The following AMN1 variants were observed in gnomAD, a reference collection of about 807,000 sequenced individuals.
AMN1 encodes the protein protein AMN1 homolog.
Under a neutral mutation model 33.0 loss-of-function variants are expected in AMN1, and 20 were observed. The observed-to-expected ratio is 0.61, with a 90% CI of 0.43 to 0.88. The LOEUF (loss-of-function observed/expected upper bound fraction) is 0.88, where lower values mean the gene tolerates loss of function less well. Ranked by LOEUF, AMN1 falls within the 40% of genes least tolerant of loss-of-function variation. The pLI, the probability that AMN1 is intolerant of heterozygous loss-of-function variation, is 0.00. For synonymous variants in AMN1, 114 were observed against 111.9 expected, an observed-to-expected ratio of 1.02 and a Z score of -0.12; for missense variants, 246 against 307.4, an observed-to-expected ratio of 0.80 and a Z score of 1.49.
At chr12:31,716,213 T>C (rs563174620) in intron 1 of AMN1, among the ~76,000 whole-genome samples, 1 of 152,362 alleles carries the variant, frequency 6.6e-6, no homozygotes, top group African/African-American at 2.4e-5. Flanking sequence ...TTCATGTCCA[T>C]TTTCACTAAC....
chr12:31,696,939 T>C (rs1034518798), intron 5 of AMN1, among the ~76,000 whole-genome samples: 1 of 151,978 alleles, frequency 6.6e-6, no homozygotes, highest in African/African-American at 2.4e-5. Context: ...AAAAAAACTT[T>C]TTTAAATGAT....
intron 1 of AMN1, among the ~76,000 whole-genome samples, chr12:31,710,339 TTAA>T (rs1565778667): frequency 2.0e-5 from 3 of 152,222 alleles, no homozygotes; most frequent in Admixed American, 2.0e-4. Context: ...ACAAATCTTA[TTAA>T]TTTCTGTCTA....
At chr12:31,674,013 C>CT (rs58813002) in intron 6 of AMN1, among the ~76,000 whole-genome samples, 1,596 of 144,134 alleles carry the variant, frequency 0.011, 23 homozygotes, top group African/African-American at 0.032. Flanking sequence ...AAAGTCTTAT[C>CT]TTTTTTTTTT....
chr12:31,711,349 T>G (rs1939458114), intron 1 of AMN1, among the ~76,000 whole-genome samples: 2 of 152,230 alleles, frequency 1.3e-5, no homozygotes, highest in Admixed American at 1.3e-4. Flanking sequence ...ATTTCTAATT[T>G]ATAAACATGG....
At chr12:31,716,630 G>T (rs1244546549) in intron 1 of AMN1, among the ~76,000 whole-genome samples, 1 of 152,084 alleles carries the variant, frequency 6.6e-6, no homozygotes, top group East Asian at 1.9e-4. Context: ...TGTCTGGTTG[G>T]ATATCCTCTT....
intron 2 of AMN1, among the ~76,000 whole-genome samples, chr12:31,708,207 G>A (rs1006638859): frequency 6.6e-6 from 1 of 152,178 alleles, no homozygotes; most frequent in East Asian, 1.9e-4. Context: ...GTGCAAGTAG[G>A]AGAGATATTG....
At chr12:31,722,569 T>C (rs1939917052) in intron 1 of AMN1, among the ~76,000 whole-genome samples, 1 of 152,134 alleles carries the variant, frequency 6.6e-6, no homozygotes, top group Non-Finnish European at 1.5e-5. Flanking sequence ...CCTAGCCACC[T>C]CCTATATAAT....
rs370433531 is a variant in AMN1 at position 31,697,427 on chromosome 12, G to C, written c.535-10C>G. 21 of 1,611,296 alleles carry C rather than the reference G, an allele frequency of 1.3e-5. 1 individual carries two copies. In the African/African-American group the frequency reaches 2.0e-4, roughly 15 times the overall value. ...CACCACTGTCAGATACCTAAGCAAA[G>C]GGAAAAAGAAACACAGTCCATGAAT... is the stretch of plus-strand genomic sequence containing the variant. On this transcript the variant is annotated splice_polypyrimidine_tract_variant and intron_variant, in intron 4 of 6. Transcript: ENST00000281471.
Position 31,715,780 on chromosome 12 carries a change from A to C in AMN1, c.39-6355T>G, listed in dbSNP as rs1245073343. 4 of 156,398 alleles carry C rather than the reference A, an allele frequency of 2.6e-5. No individual in the cohort carries two copies. In the East Asian group the frequency reaches 7.3e-4, roughly 29 times the overall value. The allele number at this position is 156,398 out of a possible 1,614,324, so 9.7% of individuals were successfully genotyped here. A position where few individuals can be genotyped will look rare whatever the true frequency, so the allele number is the denominator to read the frequency against. On this transcript the variant is annotated intron_variant, in intron 1 of 6. Coordinates refer to ENST00000281471, the MANE Select transcript of AMN1 (RefSeq NM_001113402.2). ...TTTCACCTGGATATCAGAAGTAGCC[A>C]TGATGAATGAAAGACAAGAGACTGG...
At chr12:31,703,641 A>G (rs1939101194) in intron 2 of AMN1, among the ~76,000 whole-genome samples, 1 of 152,184 alleles carries the variant, frequency 6.6e-6, no homozygotes, top group Non-Finnish European at 1.5e-5. Flanking sequence ...ATGGCTGTAT[A>G]TATTCATTTT....
At chr12:31,722,046 G>A (rs557685188) in intron 1 of AMN1, among the ~76,000 whole-genome samples, 1 of 152,024 alleles carries the variant, frequency 6.6e-6, no homozygotes, top group East Asian at 1.9e-4. Context: ...TCAAAAGTCA[G>A]CCTGTTTTGT....
intron 1 of AMN1, among the ~76,000 whole-genome samples, chr12:31,718,951 T>C (rs1391537112): frequency 6.6e-6 from 1 of 152,266 alleles, no homozygotes; most frequent in African/African-American, 2.4e-5. Context: ...CTCAGACTGC[T>C]GCGCTAGCAG....
At chr12:31,699,417 A>AAG (rs1938887664) in intron 3 of AMN1, among the ~76,000 whole-genome samples, 1 of 148,840 alleles carries the variant, frequency 6.7e-6, no homozygotes, top group Admixed American at 6.7e-5. Context: ...AAAAAAAAAA[A>AAG]AAAAGAAAGA....
chr12:31,704,692 C>T (rs888616499), intron 2 of AMN1, among the ~76,000 whole-genome samples: 2 of 152,098 alleles, frequency 1.3e-5, no homozygotes, highest in African/African-American at 4.8e-5. Flanking sequence ...GATGTTGTAT[C>T]TGGCTTTTTG....
chr12:31,702,097 A>G (rs920505604), intron 2 of AMN1, 90 bp from the exon 3 acceptor site: 2 of 1,155,440 alleles, frequency 1.7e-6, no homozygotes, highest in Non-Finnish European at 2.4e-6. Context: ...GTCATAACAG[A>G]CAAGTGGCTG....
chr12:31,702,865 T>G (rs1388598367), intron 2 of AMN1, among the ~76,000 whole-genome samples: 1 of 152,168 alleles, frequency 6.6e-6, no homozygotes, highest in Admixed American at 6.5e-5. Flanking sequence ...AGCCTCCCAG[T>G]AGCTGGGATT....
intron 1 of AMN1, among the ~76,000 whole-genome samples, chr12:31,717,923 C>T (rs1939739490): frequency 6.6e-6 from 1 of 152,080 alleles, no homozygotes; most frequent in South Asian, 2.1e-4. Flanking sequence ...TCCCTGTGTC[C>T]ATGTGTTCTC....
chr12:31,694,998 G>A (rs1031124283), intron 5 of AMN1, among the ~76,000 whole-genome samples: 2 of 152,172 alleles, frequency 1.3e-5, no homozygotes, highest in South Asian at 2.1e-4. Context: ...CTTTGTTTAA[G>A]TAAGGCATTA....
intron 6 of AMN1, among the ~76,000 whole-genome samples, chr12:31,684,826 A>G (rs757425177): frequency 3.0e-4 from 45 of 152,158 alleles, no homozygotes; most frequent in African/African-American, 9.6e-4. Flanking sequence ...TATTTGAAAA[A>G]TACTACCAGA....
Sources: allele counts gnomAD v4.1 joint callset (sites outside exome capture counted in the v4.1 genomes callset), GRCh38; gene constraint gnomAD v4.1.1; transcripts MANE v1.5; gene names NCBI Gene and HGNC (gene_info 2026-07-23, HGNC 2026-07-21).